The following GUCY1A2 variants were observed in gnomAD, a reference collection of about 807,000 sequenced individuals.
GUCY1A2 encodes the protein guanylate cyclase soluble subunit alpha-2.
GUCY1A2 carries 27 observed loss-of-function variants against 63.5 expected under a neutral mutation model. The ratio of observed to expected loss-of-function variants is 0.43; its 90% CI spans 0.31 to 0.59. The LOEUF (loss-of-function observed/expected upper bound fraction) is 0.59, where lower values mean the gene tolerates loss of function less well. Among genes scored for constraint, GUCY1A2 ranks in the 20% least tolerant of loss-of-function variants. The pLI, the probability that GUCY1A2 is intolerant of heterozygous loss-of-function variation, is 0.11. For missense variants in GUCY1A2, 768 were observed against 913.3 expected, an observed-to-expected ratio of 0.84 and a Z score of 2.05; for synonymous variants, 364 against 343.5, an observed-to-expected ratio of 1.06 and a Z score of -0.66.
In GUCY1A2 at chr11:106,957,855, CTT is replaced by C. The variant is rs59519013; in HGVS notation, c.488-17679_488-17678del. Among the ~76,000 whole-genome samples the C allele has an allele frequency of 7.2e-3, 629 of 87,198 alleles. 5 individuals are homozygous for C. Among genetic ancestry groups the C allele is most frequent in the Middle Eastern group, 0.021 (2 of 94 alleles). 57.2% of individuals were successfully genotyped at this position (87,198 alleles called of 152,430 possible). A position where few individuals can be genotyped will look rare whatever the true frequency, so the allele number is the denominator to read the frequency against. On this transcript the variant is annotated intron_variant, in intron 3 of 7. Transcript: ENST00000526355. ...AGTCCAGTCTGAGCAAAGGGACAAA[CTT>C]TTTTTTTTTTTTTTTTTTTTTTTTT...
At chr11:106,807,444 T>G (rs1858706776) in intron 5 of GUCY1A2, among the ~76,000 whole-genome samples, 1 of 152,208 alleles carries the variant, frequency 6.6e-6, no homozygotes, top group South Asian at 2.1e-4. Flanking sequence ...TAATATCATT[T>G]TGTCTTTCCC....
At chr11:106,870,831 C>T (rs540936658) in intron 4 of GUCY1A2, among the ~76,000 whole-genome samples, 6 of 152,180 alleles carry the variant, frequency 3.9e-5, no homozygotes, top group East Asian at 3.9e-4. Context: ...TATGTGGTTT[C>T]GCCTAAAGCC....
At chr11:106,709,355 T>G (rs1380961432) in intron 6 of GUCY1A2, among the ~76,000 whole-genome samples, 2 of 101,230 alleles carry the variant, frequency 2.0e-5, no homozygotes, top group African/African-American at 8.3e-5. Flanking sequence ...TTTATATATT[T>G]TATATAATAT....
intron 1 of GUCY1A2, among the ~76,000 whole-genome samples, chr11:106,995,640 A>G (rs979638829): frequency 5.3e-5 from 8 of 152,230 alleles, no homozygotes; most frequent in African/African-American, 1.9e-4. Context: ...ATAAAACTAT[A>G]AAGTATTACA....
intron 4 of GUCY1A2, among the ~76,000 whole-genome samples, chr11:106,815,783 C>A (rs1858822632): frequency 6.6e-6 from 1 of 151,878 alleles, no homozygotes. Context: ...CACAGACACA[C>A]AAACACACGC....
chr11:106,914,303 C>T (rs1013374643), intron 4 of GUCY1A2, among the ~76,000 whole-genome samples: 1 of 152,134 alleles, frequency 6.6e-6, no homozygotes, highest in Non-Finnish European at 1.5e-5. Context: ...ATTTATAGTG[C>T]CACTCCTAAT....
intron 4 of GUCY1A2, among the ~76,000 whole-genome samples, chr11:106,937,456 T>C (rs1860695334): frequency 6.6e-6 from 1 of 152,136 alleles, no homozygotes; most frequent in Non-Finnish European, 1.5e-5. Context: ...ATAAAATATA[T>C]AAAGCAACAA....
chr11:106,804,269 G>A (rs1858649771), intron 5 of GUCY1A2, among the ~76,000 whole-genome samples: 1 of 152,128 alleles, frequency 6.6e-6, no homozygotes, highest in Admixed American at 6.5e-5. Flanking sequence ...TGTTGATGTT[G>A]ATGGAGACTA....
At chr11:106,920,785 C>T (rs776610209) in intron 4 of GUCY1A2, among the ~76,000 whole-genome samples, 1 of 152,046 alleles carries the variant, frequency 6.6e-6, no homozygotes, top group African/African-American at 2.4e-5. Context: ...TAAAGTCGAT[C>T]GCAGTAACAA....
In GUCY1A2 at chr11:106,810,481, G is replaced by A. The variant is rs544092471; in HGVS notation, c.1207-3C>T. On this transcript the variant is annotated splice_region_variant and splice_polypyrimidine_tract_variant and intron_variant, in intron 4 of 7. Transcript: ENST00000526355. The stretch of plus-strand genomic sequence containing the variant: ...ATTTGTCCTTTGACTTCCATCACCT[G>A]TGAAATTAACATGGAATTTTGATCA... The A allele has an allele frequency of 2.5e-6, 4 of 1,590,204 alleles. No individual in the cohort carries two copies. The highest frequency in any genetic ancestry group is 2.2e-5 in the East Asian group (1 of 44,514).
At chr11:106,787,329 C>A (rs1476413641) in intron 5 of GUCY1A2, among the ~76,000 whole-genome samples, 3 of 151,170 alleles carry the variant, frequency 2.0e-5, no homozygotes, top group Admixed American at 2.0e-4. Context: ...TGTCTAGTAA[C>A]CACCCTTCTG....
intron 3 of GUCY1A2, among the ~76,000 whole-genome samples, chr11:106,976,987 C>A (rs79019235): frequency 1.6e-4 from 24 of 152,148 alleles, no homozygotes; most frequent in African/African-American, 5.8e-4. Flanking sequence ...CACTCATTTA[C>A]AAGCCACAGT....
chr11:106,909,385 G>T (rs984574490), intron 4 of GUCY1A2, among the ~76,000 whole-genome samples: 3 of 150,648 alleles, frequency 2.0e-5, no homozygotes, highest in African/African-American at 7.3e-5. Flanking sequence ...GTGTGTGTGT[G>T]TGTGTACGCT....
At chr11:106,981,278 T>C (rs1438256292) in intron 2 of GUCY1A2, among the ~76,000 whole-genome samples, 2 of 152,158 alleles carry the variant, frequency 1.3e-5, no homozygotes, top group African/African-American at 2.4e-5. Flanking sequence ...CTACTGAAAT[T>C]ATTCTGGCTT....
intron 4 of GUCY1A2, among the ~76,000 whole-genome samples, chr11:106,933,421 G>A (rs752111909): frequency 8.6e-5 from 13 of 151,968 alleles, no homozygotes; most frequent in Non-Finnish European, 1.6e-4. Flanking sequence ...AGGCAGAATG[G>A]GTATTATTAA....
intron 3 of GUCY1A2, among the ~76,000 whole-genome samples, chr11:106,971,028 T>C (rs1000766421): frequency 2.0e-5 from 3 of 152,126 alleles, no homozygotes; most frequent in East Asian, 1.9e-4. Context: ...AACTATAGCA[T>C]GGCAAACAGA....
intron 4 of GUCY1A2, among the ~76,000 whole-genome samples, chr11:106,852,441 C>CATAT (rs1173129809): frequency 1.3e-5 from 2 of 151,992 alleles, no homozygotes; most frequent in Non-Finnish European, 2.9e-5. Context: ...GTATGTTAGC[C>CATAT]ATGGGTTTGT....
intron 4 of GUCY1A2, among the ~76,000 whole-genome samples, chr11:106,911,316 G>A (rs1163313663): frequency 6.6e-6 from 1 of 151,932 alleles, no homozygotes; most frequent in Non-Finnish European, 1.5e-5. Flanking sequence ...CCAGGAACAC[G>A]GAAAACAAAA....
chr11:106,795,120 T>C (rs1864730968), intron 5 of GUCY1A2, among the ~76,000 whole-genome samples: 1 of 152,198 alleles, frequency 6.6e-6, no homozygotes, highest in African/African-American at 2.4e-5. Flanking sequence ...ATTTTATAGA[T>C]GCAGAAGCTG....
Sources: allele counts gnomAD v4.1 joint callset (sites outside exome capture counted in the v4.1 genomes callset), GRCh38; gene constraint gnomAD v4.1.1; transcripts MANE v1.5; gene names NCBI Gene and HGNC (gene_info 2026-07-23, HGNC 2026-07-21).